Variants in MBD5 observed in about 807,000 individuals in gnomAD.
MBD5 encodes the protein methyl-CpG binding domain protein 5, also known as methyl-CpG-binding domain protein 5.
MBD5 carries 13 observed loss-of-function variants against 117.3 expected under a neutral mutation model. The ratio of observed to expected loss-of-function variants is 0.11; its 90% CI spans 0.07 to 0.18. The LOEUF (loss-of-function observed/expected upper bound fraction) is 0.18, where lower values mean the gene tolerates loss of function less well. MBD5 is among the 10% of genes least tolerant of loss of function. MBD5 has a pLI of 1.00. For synonymous variants in MBD5, 727 were observed against 766.4 expected (o/e 0.95, Z 0.85); for missense variants, 1,879 against 2,093.8 (o/e 0.90, Z 2.00).
intron 5 of MBD5, among the ~76,000 whole-genome samples, chr2:148,462,205 A>G (rs192818897): frequency 6.6e-6 from 1 of 152,294 alleles, no homozygotes; most frequent in African/African-American, 2.4e-5. Flanking sequence ...AAGAGCTTTC[A>G]AAGTAGATAT....
chr2:148,475,432 A>T (rs1680932023), intron 8 of MBD5, among the ~76,000 whole-genome samples: 1 of 151,968 alleles, frequency 6.6e-6, no homozygotes, highest in African/African-American at 2.4e-5. Context: ...TTGTTTACTT[A>T]TTCCAGGTTT....
intron 1 of MBD5, among the ~76,000 whole-genome samples, chr2:148,029,688 T>G (rs1359737374): frequency 2.0e-5 from 3 of 152,202 alleles, no homozygotes; most frequent in Admixed American, 1.3e-4. Context: ...GATTTGAATT[T>G]TATGTGTGTT....
In MBD5 at chr2:148,326,991, T is replaced by C. The variant is rs1574291311; in HGVS notation, c.-679-15223T>C. Among the ~76,000 whole-genome samples the C allele has an allele frequency of 3.3e-5, 5 of 152,048 alleles. No homozygotes were observed. In the South Asian group the frequency reaches 8.3e-4, roughly 25 times the overall value. ...GGCTGGTACCGGTTGTTCCTTTCCATGTTTAGTGCTTCCTTCAGGAGCTCT... is the reference window on the plus strand; with the variant it reads ...GGCTGGTACCGGTTGTTCCTTTCCACGTTTAGTGCTTCCTTCAGGAGCTCT... On this transcript the variant is annotated intron_variant, in intron 3 of 13. Coordinates refer to ENST00000642680, the MANE Select transcript of MBD5 (RefSeq NM_001378120.1).
At chr2:148,150,604 T>C (rs1697630395) in intron 1 of MBD5, among the ~76,000 whole-genome samples, 1 of 151,960 alleles carries the variant, frequency 6.6e-6, no homozygotes, top group African/African-American at 2.4e-5. Context: ...GTTTGTATCC[T>C]CTTTTATTTC....
intron 1 of MBD5, among the ~76,000 whole-genome samples, chr2:148,178,368 G>A (rs1325943292): frequency 6.6e-6 from 1 of 152,092 alleles, no homozygotes; most frequent in African/African-American, 2.4e-5. Flanking sequence ...ATGGGGCTCT[G>A]TTCATGCAGG....
At chr2:148,059,589 T>G (rs1573966384) in intron 1 of MBD5, among the ~76,000 whole-genome samples, 2 of 152,282 alleles carry the variant, frequency 1.3e-5, no homozygotes, top group South Asian at 4.1e-4. Flanking sequence ...GGTTCATGCC[T>G]GTAATCCCAG....
intron 3 of MBD5, among the ~76,000 whole-genome samples, chr2:148,272,192 A>G (rs543775964): frequency 1.3e-5 from 2 of 152,264 alleles, no homozygotes; most frequent in East Asian, 1.9e-4. Flanking sequence ...TCATCTGCTG[A>G]TGGACACTGA....
At chr2:148,429,497 T>A (rs552329948) in intron 4 of MBD5, among the ~76,000 whole-genome samples, 49 of 152,290 alleles carry the variant, frequency 3.2e-4, no homozygotes, top group Non-Finnish European at 6.9e-4. Context: ...CATTACTGGA[T>A]ATATACCTAA....
At chr2:148,243,429 C>T (rs1051617657) in intron 3 of MBD5, among the ~76,000 whole-genome samples, 1 of 151,952 alleles carries the variant, frequency 6.6e-6, no homozygotes, top group Admixed American at 6.6e-5. Flanking sequence ...AAATAAATTA[C>T]CTAAGGTTAT....
intron 12 of MBD5, among the ~76,000 whole-genome samples, chr2:148,506,739 T>C (rs1682044399): frequency 6.6e-6 from 1 of 152,258 alleles, no homozygotes; most frequent in Non-Finnish European, 1.5e-5. Flanking sequence ...AATGTGATTA[T>C]ATGAACATCT....
At chr2:148,425,558 C>T (rs981862548) in intron 4 of MBD5, among the ~76,000 whole-genome samples, 1 of 152,224 alleles carries the variant, frequency 6.6e-6, no homozygotes. Context: ...CATCCTGATA[C>T]CAAAACCTGG....
At chr2:148,446,260 T>G (rs965036929) in intron 4 of MBD5, among the ~76,000 whole-genome samples, 3 of 152,108 alleles carry the variant, frequency 2.0e-5, no homozygotes, top group Non-Finnish European at 1.5e-5. Flanking sequence ...GTTTTTATGG[T>G]TTTAGGTCTA....
rs1365523007 is a variant in MBD5 at position 148,021,370 on chromosome 2, C to T, written c.-1239C>T. 4.5e-6 allele frequency: 2 copies of T among 447,024 alleles called. No homozygotes were observed. Among genetic ancestry groups the T allele is most frequent in the Middle Eastern group, 6.9e-4 (1 of 1,444 alleles). The allele number at this position is 447,024 out of a possible 1,614,324, so 27.7% of individuals were successfully genotyped here. ...CTACCCCCTCACCCCTCCAACTCGC[C>T]TCCCTCCCTCCACCCTCCTCCTCTT... is the stretch of plus-strand genomic sequence containing the variant. On this transcript the variant is annotated 5_prime_UTR_variant, in exon 1 of 14. Coordinates refer to ENST00000642680, the MANE Select transcript of MBD5 (RefSeq NM_001378120.1).
intron 1 of MBD5, among the ~76,000 whole-genome samples, chr2:148,157,058 A>G (rs777862519): frequency 2.0e-4 from 30 of 152,224 alleles, no homozygotes; most frequent in Non-Finnish European, 3.5e-4. Flanking sequence ...CAATATGGTC[A>G]CCATTAAATA....
At chr2:148,111,520 G>T (rs187409955) in intron 1 of MBD5, among the ~76,000 whole-genome samples, 1 of 152,112 alleles carries the variant, frequency 6.6e-6, no homozygotes, top group Non-Finnish European at 1.5e-5. Flanking sequence ...AACAACAAAA[G>T]GTTGTCTAGG....
At chr2:148,409,056 G>T (rs545818484) in intron 4 of MBD5, among the ~76,000 whole-genome samples, 9 of 152,136 alleles carry the variant, frequency 5.9e-5, no homozygotes. Flanking sequence ...GATACTAAGG[G>T]ATGATTGTAT....
At chr2:148,149,646 A>G (rs1308221320) in intron 1 of MBD5, among the ~76,000 whole-genome samples, 1 of 152,038 alleles carries the variant, frequency 6.6e-6, no homozygotes, top group Non-Finnish European at 1.5e-5. Flanking sequence ...CTGGTGTGAG[A>G]TGGTATCTCA....
At chr2:148,503,407 T>A (rs1438277128) in intron 12 of MBD5, among the ~76,000 whole-genome samples, 2 of 152,224 alleles carry the variant, frequency 1.3e-5, no homozygotes, top group Admixed American at 1.3e-4. Context: ...ACATCAAGAC[T>A]TACAAAGTGG....
At chr2:148,022,555 T>C (rs1056922007) in intron 1 of MBD5, among the ~76,000 whole-genome samples, 1 of 152,202 alleles carries the variant, frequency 6.6e-6, no homozygotes, top group African/African-American at 2.4e-5. Context: ...TTGAAAACTT[T>C]ATGTTGTTCT....
Sources: gnomAD v4.1 joint callset for allele counts (sites outside exome capture counted in the v4.1 genomes callset) on GRCh38, gnomAD v4.1.1 for gene constraint, MANE v1.5 for transcripts, NCBI Gene and HGNC (gene_info 2026-07-23, HGNC 2026-07-21) for gene names.